BCAP29: variants seen among roughly 807,000 people sequenced by gnomAD.
BCAP29 encodes the protein B cell receptor associated protein 29.
In BCAP29, 34 loss-of-function variants were observed where a neutral mutation model predicts 31.8. The observed-to-expected ratio is 1.07, with a 90% CI of 0.81 to 1.42. The LOEUF (loss-of-function observed/expected upper bound fraction) is 1.42. Ranked by LOEUF, BCAP29 falls within the 40% of genes most tolerant of loss-of-function variation. The probability of loss-of-function intolerance (pLI) is 0.00; values close to 1 mark genes in which losing one functional copy is unlikely to be tolerated. For synonymous variants in BCAP29, 104 were observed against 91.3 expected, an observed-to-expected ratio of 1.14 and a Z score of -0.79; for missense variants, 314 against 269.2, an observed-to-expected ratio of 1.17 and a Z score of -1.16.
chr7:107,588,422 A>T (rs1374458585), intron 3 of BCAP29, among the ~76,000 whole-genome samples: 1 of 152,182 alleles, frequency 6.6e-6, no homozygotes, highest in Non-Finnish European at 1.5e-5. Context: ...TGCCTCAATA[A>T]ATTAAAACAA....
rs145636029 is a variant in BCAP29, at chr7:107,609,431, C to A, written c.590-3901C>A. ...CTACGTGAGAAATCCACTTAATAAT[C>A]TAATCTGGAAATGAGGACAGTGGTC... On this transcript the variant is annotated intron_variant, in intron 6 of 7. Coordinates refer to ENST00000005259, the MANE Select transcript of BCAP29 (RefSeq NM_018844.4). Among the ~76,000 whole-genome samples the A allele has an allele frequency of 7.2e-3, 1,099 of 152,228 alleles. 18 individuals carry two copies. The highest frequency in any genetic ancestry group is 0.025 in the African/African-American group (1,057 of 41,532).
At chr7:107,616,100 C>T (rs1045069312) in intron 7 of BCAP29, among the ~76,000 whole-genome samples, 3 of 152,162 alleles carry the variant, frequency 2.0e-5, no homozygotes, top group African/African-American at 7.2e-5. Context: ...CTGGGAGGCC[C>T]GTTTCCAAGG....
chr7:107,580,854 C>T lies in BCAP29; in HGVS notation c.82C>T (p.Pro28Ser). The change falls in exon 2 of 8, where the codon CCT becomes TCT. Residue 28 changes from proline (P) to serine (S), a missense_variant. Pro to Ser is a moderately conservative substitution (Grantham distance 74, BLOSUM62 -1). Transcript: ENST00000005259. ...TTTAATCTTCTGCCTACCTTTTATT[C>T]CTCCTCAGAGGTAGGAAACCTTCAA... The part of the protein sequence containing the change: ...LILIFCLPFI[P>S]PQRWQKIFSF... 2.5e-6 allele frequency: 4 copies of T among 1,591,716 alleles called. No homozygotes were observed. The highest frequency in any genetic ancestry group is 3.4e-6 in the Non-Finnish European group (4 of 1,170,224).
intron 6 of BCAP29, among the ~76,000 whole-genome samples, chr7:107,602,344 C>T (rs1221577065): frequency 6.6e-6 from 1 of 152,084 alleles, no homozygotes; most frequent in Admixed American, 6.5e-5. Flanking sequence ...TGGTCATGTT[C>T]TGTTGACCTA....
chr7:107,583,529 T>G (rs1807083447), intron 2 of BCAP29, among the ~76,000 whole-genome samples: 1 of 152,162 alleles, frequency 6.6e-6, no homozygotes, highest in Non-Finnish European at 1.5e-5. Flanking sequence ...TCTTTATTTC[T>G]AAGTCATTTC....
intron 5 of BCAP29, among the ~76,000 whole-genome samples, chr7:107,598,894 TACACACACACACACACACAC>T (rs59376183): frequency 2.2e-5 from 3 of 139,100 alleles, no homozygotes; most frequent in Admixed American, 7.6e-5. Context: ...CAATACAGTA[TACACACACACACACACACAC>T]ACACACACAC....
At chr7:107,609,744 T>C (rs1812795041) in intron 6 of BCAP29, among the ~76,000 whole-genome samples, 1 of 152,208 alleles carries the variant, frequency 6.6e-6, no homozygotes. Flanking sequence ...TAAGTGATCA[T>C]TGGCAAAGGA....
chr7:107,605,275 G>T (rs1330209091), intron 6 of BCAP29, among the ~76,000 whole-genome samples: 5 of 152,132 alleles, frequency 3.3e-5, no homozygotes, highest in African/African-American at 9.7e-5. Flanking sequence ...CAAACATAAC[G>T]ATATCTACCC....
At chr7:107,597,675 A>G (rs1585120137) in intron 5 of BCAP29, among the ~76,000 whole-genome samples, 1 of 152,212 alleles carries the variant, frequency 6.6e-6, no homozygotes, top group African/African-American at 2.4e-5. Context: ...GACTTGTACA[A>G]GATCATTCAA....
intron 4 of BCAP29, chr7:107,594,357 T>C: frequency 2.3e-6 from 1 of 438,894 alleles, no homozygotes; most frequent in Non-Finnish European, 4.1e-6. Context: ...AGGGCTAATT[T>C]TTAAATTTTT....
chr7:107,580,414 G>A (rs1806381932), intron 1 of BCAP29, 113 bp downstream of exon 1: 1 of 240,168 alleles, frequency 4.2e-6, no homozygotes, highest in Non-Finnish European at 8.0e-6. Context: ...GGCCCGGCCC[G>A]GTCCGCGGCG....
chr7:107,608,669 A>G (rs1019049589), intron 6 of BCAP29, among the ~76,000 whole-genome samples: 1 of 152,158 alleles, frequency 6.6e-6, no homozygotes, highest in Non-Finnish European at 1.5e-5. Flanking sequence ...TATTTGTAAC[A>G]TGAGTATATT....
chr7:107,606,005 A>G (rs1304151820), intron 6 of BCAP29, among the ~76,000 whole-genome samples: 2 of 152,240 alleles, frequency 1.3e-5, no homozygotes, highest in Non-Finnish European at 2.9e-5. Flanking sequence ...AATGAAAAAG[A>G]TAGCTTTTTA....
intron 3 of BCAP29, among the ~76,000 whole-genome samples, chr7:107,585,548 GT>G (rs1373743319): frequency 1.3e-5 from 2 of 152,102 alleles, no homozygotes; most frequent in Non-Finnish European, 2.9e-5. Context: ...TATTCATCTT[GT>G]GAAATAAAGG....
intron 6 of BCAP29, among the ~76,000 whole-genome samples, chr7:107,606,216 C>T (rs991765879): frequency 6.6e-6 from 1 of 152,084 alleles, no homozygotes; most frequent in African/African-American, 2.4e-5. Context: ...TGAGGATACA[C>T]TGGGTAATCT....
chr7:107,597,739 A>G (rs1810122393), intron 5 of BCAP29, among the ~76,000 whole-genome samples: 1 of 152,258 alleles, frequency 6.6e-6, no homozygotes, highest in Non-Finnish European at 1.5e-5. Context: ...TCTAGAATCC[A>G]CATTCATAAC....
At chr7:107,621,374 T>G (rs977831930), downstream of BCAP29, 1 of 174,720 alleles carries the variant, frequency 5.7e-6, no homozygotes, top group Admixed American at 6.1e-5. Context: ...AAAATTACTT[T>G]CACGGTGTTT....
intron 6 of BCAP29, among the ~76,000 whole-genome samples, chr7:107,607,673 G>A (rs939582143): frequency 9.1e-6 from 1 of 110,222 alleles, no homozygotes; most frequent in Admixed American, 1.2e-4. Context: ...TTCTCCCTTT[G>A]TAGTGCAGGC....
At chr7:107,590,490 A>G (rs550807106) in intron 3 of BCAP29, among the ~76,000 whole-genome samples, 3 of 152,148 alleles carry the variant, frequency 2.0e-5, no homozygotes, top group South Asian at 2.1e-4. Context: ...AAAGAAGTAA[A>G]ATATCCTTAT....
Sources: gnomAD v4.1 joint callset for allele counts (sites outside exome capture counted in the v4.1 genomes callset) on GRCh38, gnomAD v4.1.1 for gene constraint, MANE v1.5 for transcripts, NCBI Gene and HGNC (gene_info 2026-07-23, HGNC 2026-07-21) for gene names.